The following RAB7A variants were observed in gnomAD, a reference collection of about 807,000 sequenced individuals.
RAB7A encodes the protein ras-related protein Rab-7a.
A neutral mutation model predicts 24.5 loss-of-function variants in RAB7A; 2 were observed. The ratio of observed to expected loss-of-function variants is 0.08; its 90% CI spans 0.03 to 0.26. The LOEUF (loss-of-function observed/expected upper bound fraction) is 0.26. RAB7A is among the 10% of genes least tolerant of loss of function. RAB7A has a pLI of 1.00. For synonymous variants in RAB7A, 100 were observed against 95.9 expected (o/e 1.04, Z -0.25); for missense variants, 118 against 255.7 (o/e 0.46, Z 3.67).
intron 1 of RAB7A, among the ~76,000 whole-genome samples, chr3:128,746,939 C>T (rs1189585744): frequency 6.6e-6 from 1 of 151,666 alleles, no homozygotes; most frequent in Non-Finnish European, 1.5e-5. Context: ...ATATTGTATA[C>T]ATATATCTAA....
chr3:128,810,444 G>C (rs1244175438), intron 5 of RAB7A, among the ~76,000 whole-genome samples: 1 of 152,144 alleles, frequency 6.6e-6, no homozygotes, highest in Non-Finnish European at 1.5e-5. Flanking sequence ...AGCCTGGGAG[G>C]GTCCAACAAC....
chr3:128,752,640 A>G (rs1255482560), intron 1 of RAB7A, among the ~76,000 whole-genome samples: 3 of 152,108 alleles, frequency 2.0e-5, no homozygotes, highest in African/African-American at 7.2e-5. Flanking sequence ...ATTCCAGAAC[A>G]ATGGCTCCTT....
At chr3:128,807,283 G>A (rs1329821558) in intron 4 of RAB7A, among the ~76,000 whole-genome samples, 1 of 152,174 alleles carries the variant, frequency 6.6e-6, no homozygotes, top group Non-Finnish European at 1.5e-5. Flanking sequence ...TGGCTTTTAA[G>A]TATAACTGAG....
intron 1 of RAB7A, among the ~76,000 whole-genome samples, chr3:128,788,590 G>T (rs929093291): frequency 2.0e-5 from 3 of 152,154 alleles, no homozygotes; most frequent in Non-Finnish European, 4.4e-5. Context: ...TGGATAAGTG[G>T]GTACTACTAT....
intron 1 of RAB7A, among the ~76,000 whole-genome samples, chr3:128,779,093 T>C (rs1054433359): frequency 2.0e-4 from 30 of 152,176 alleles, no homozygotes; most frequent in Admixed American, 1.5e-3. Flanking sequence ...TCGACTAATA[T>C]AGAGCTGAAA....
At chr3:128,792,532 G>A (rs533738120) in intron 1 of RAB7A, among the ~76,000 whole-genome samples, 36 of 151,804 alleles carry the variant, frequency 2.4e-4, no homozygotes, top group African/African-American at 5.6e-4. Context: ...TCCGCCTCCC[G>A]AGTAGCTGGG....
At chr3:128,759,755 G>C (rs1029005498) in intron 1 of RAB7A, among the ~76,000 whole-genome samples, 1 of 151,922 alleles carries the variant, frequency 6.6e-6, no homozygotes, top group Admixed American at 6.6e-5. Flanking sequence ...TGTTACCCAG[G>C]CTGGAGTGCA....
chr3:128,746,295 C>G (rs2070614480), intron 1 of RAB7A, among the ~76,000 whole-genome samples: 1 of 151,986 alleles, frequency 6.6e-6, no homozygotes, highest in African/African-American at 2.4e-5. Context: ...TTTTTAGAGA[C>G]AGAGTCTTGC....
At chr3:128,807,433 C>A in intron 4 of RAB7A, 110 bp from the exon 5 acceptor site, 1 of 1,515,762 alleles carries the variant, frequency 6.6e-7, no homozygotes, top group Non-Finnish European at 9.1e-7. Flanking sequence ...ATGTCTGTGT[C>A]CTCACCTGTA....
At chr3:128,810,474 A>G (rs1286245316) in intron 5 of RAB7A, among the ~76,000 whole-genome samples, 1 of 152,158 alleles carries the variant, frequency 6.6e-6, no homozygotes, top group Non-Finnish European at 1.5e-5. Context: ...GTTTTCTCAC[A>G]GTTCTGGAGG....
intron 1 of RAB7A, among the ~76,000 whole-genome samples, chr3:128,781,617 C>A (rs1933223592): frequency 6.6e-6 from 1 of 152,140 alleles, no homozygotes; most frequent in Non-Finnish European, 1.5e-5. Flanking sequence ...GTCGAGGCTG[C>A]AGTGATCATG....
At chr3:128,738,693 G>A (rs796604937) in intron 1 of RAB7A, among the ~76,000 whole-genome samples, 3 of 152,300 alleles carry the variant, frequency 2.0e-5, no homozygotes, top group African/African-American at 7.2e-5. Flanking sequence ...TTAGGAGGGG[G>A]CCTTAAGGGT....
At chr3:128,750,272 T>G (rs1339094002) in intron 1 of RAB7A, among the ~76,000 whole-genome samples, 1 of 152,176 alleles carries the variant, frequency 6.6e-6, no homozygotes, top group East Asian at 1.9e-4. Flanking sequence ...TTTCTTTTTC[T>G]TTTTTTGAGA....
At chr3:128,764,459 C>A in intron 1 of RAB7A, 1 of 764,056 alleles carries the variant, frequency 1.3e-6, no homozygotes, top group South Asian at 1.4e-5. Flanking sequence ...GGAAATTAGC[C>A]TGAGGCTTAG....
intron 5 of RAB7A, 112 bp from the exon 6 acceptor site, chr3:128,813,215 G>A (rs1933963802): frequency 6.0e-6 from 6 of 993,162 alleles, no homozygotes; most frequent in African/African-American, 1.6e-5. Flanking sequence ...ACAGCTCCCC[G>A]CCCACTCTGC....
intron 2 of RAB7A, among the ~76,000 whole-genome samples, chr3:128,796,804 C>T (rs1417283231): frequency 2.0e-5 from 3 of 152,040 alleles, no homozygotes; most frequent in Non-Finnish European, 4.4e-5. Context: ...CTGGGACCAC[C>T]AGTGTGTGCT....
chr3:128,733,848 A>C (rs954018503), intron 1 of RAB7A, among the ~76,000 whole-genome samples: 3 of 152,212 alleles, frequency 2.0e-5, no homozygotes, highest in Non-Finnish European at 4.4e-5. Context: ...AAGAGTATCT[A>C]TTCTGCTCTA....
At chr3:128,799,425 C>T (rs1419496839) in intron 3 of RAB7A, among the ~76,000 whole-genome samples, 1 of 152,160 alleles carries the variant, frequency 6.6e-6, no homozygotes, top group African/African-American at 2.4e-5. Flanking sequence ...CTATGTGCTT[C>T]TAGAGGCAAA....
chr3:128,738,195 G>C (rs1396619776), intron 1 of RAB7A, among the ~76,000 whole-genome samples: 4 of 152,128 alleles, frequency 2.6e-5, no homozygotes, highest in Middle Eastern at 3.4e-3. Context: ...ACTACGCCCA[G>C]TTAATTTTGT....
Sources: gnomAD v4.1 joint callset for allele counts (sites outside exome capture counted in the v4.1 genomes callset) on GRCh38, gnomAD v4.1.1 for gene constraint, MANE v1.5 for transcripts, NCBI Gene and HGNC (gene_info 2026-07-23, HGNC 2026-07-21) for gene names.